DCDC2: variants seen among roughly 807,000 people sequenced by gnomAD.
The protein encoded by DCDC2 is doublecortin domain containing 2.
Under a neutral mutation model 50.2 loss-of-function variants are expected in DCDC2, and 40 were observed. The ratio of observed to expected loss-of-function variants is 0.80; its 90% CI spans 0.62 to 1.04. The LOEUF (loss-of-function observed/expected upper bound fraction) is 1.04, where lower values mean the gene tolerates loss of function less well. Ranked by LOEUF, DCDC2 falls within the 50% of genes least tolerant of loss-of-function variation. The pLI, the probability that DCDC2 is intolerant of heterozygous loss-of-function variation, is 0.00. For synonymous variants in DCDC2, 234 were observed against 210.6 expected (o/e 1.11, Z -0.96); for missense variants, 570 against 581.9 (o/e 0.98, Z 0.21).
the DCDC2 span, among the ~76,000 whole-genome samples, chr6:24,380,860 C>G: frequency 1.3e-5 from 2 of 152,188 alleles, no homozygotes; most frequent in East Asian, 3.9e-4. Flanking sequence ...GTGGGAGGCC[C>G]AGGGCTTGAG....
upstream of DCDC2, among the ~76,000 whole-genome samples, chr6:24,361,688 G>A (rs1050455988): frequency 6.6e-6 from 1 of 152,180 alleles, no homozygotes; most frequent in African/African-American, 2.4e-5. Flanking sequence ...TTAGCCCAGT[G>A]TAAAATGAAA....
At chr6:24,276,966 A>G (rs1381513643) in intron 7 of DCDC2, among the ~76,000 whole-genome samples, 1 of 151,924 alleles carries the variant, frequency 6.6e-6, no homozygotes, top group East Asian at 1.9e-4. Context: ...GTCTTTGATG[A>G]TTTAGACCCC....
At chr6:24,249,822 T>C (rs960121990) in intron 7 of DCDC2, among the ~76,000 whole-genome samples, 3 of 151,850 alleles carry the variant, frequency 2.0e-5, no homozygotes, top group Non-Finnish European at 2.9e-5. Flanking sequence ...CCATTCCTCT[T>C]TATAATAGCC....
At chr6:24,216,328 G>GAA (rs539779823) in intron 7 of DCDC2, among the ~76,000 whole-genome samples, 1 of 147,904 alleles carries the variant, frequency 6.8e-6, no homozygotes, top group African/African-American at 2.5e-5. Flanking sequence ...AAGGTAACAG[G>GAA]AAAAAAAAAA....
chr6:24,359,343 T>A (rs1324397028), upstream of DCDC2, among the ~76,000 whole-genome samples: 385 of 63,116 alleles, frequency 6.1e-3, 34 homozygotes, highest in African/African-American at 0.028. Flanking sequence ...TATTATATAT[T>A]ATATATATTT....
the DCDC2 span, among the ~76,000 whole-genome samples, chr6:24,371,142 C>T: frequency 2.5e-4 from 38 of 151,306 alleles, no homozygotes; most frequent in African/African-American, 4.1e-4. Context: ...CTGGGTGTGG[C>T]GGTGTGTGCC....
At chr6:24,348,635 C>G (rs1265028782) in intron 2 of DCDC2, among the ~76,000 whole-genome samples, 1 of 152,192 alleles carries the variant, frequency 6.6e-6, no homozygotes, top group East Asian at 1.9e-4. Flanking sequence ...CCCTCTTAAT[C>G]AAGTTGTAGA....
intron 6 of DCDC2, among the ~76,000 whole-genome samples, chr6:24,284,897 T>G (rs1057125761): frequency 6.6e-6 from 1 of 152,152 alleles, no homozygotes; most frequent in Non-Finnish European, 1.5e-5. Context: ...AAGGTCTCAG[T>G]TTCAGACAAT....
At chr6:24,342,008 T>C (rs12192494) in intron 2 of DCDC2, among the ~76,000 whole-genome samples, 49,021 of 151,974 alleles carry the variant, frequency 0.32, 9,420 homozygotes, top group African/African-American at 0.54. Flanking sequence ...GAAATAAAAT[T>C]TAAAGTGTTT....
At chr6:24,204,479 G>A (rs2113761135) in intron 8 of DCDC2, among the ~76,000 whole-genome samples, 1 of 152,156 alleles carries the variant, frequency 6.6e-6, no homozygotes, top group South Asian at 2.1e-4. Flanking sequence ...ATACACTGGG[G>A]CCTGTCAGGG....
intron 7 of DCDC2, among the ~76,000 whole-genome samples, chr6:24,220,891 T>TGAGC (rs1246996420): frequency 2.4e-4 from 24 of 99,044 alleles, no homozygotes; most frequent in East Asian, 6.7e-4. Flanking sequence ...AGCGAGAGAG[T>TGAGC]GAGCGAGCGA....
At chr6:24,214,972 C>G (rs1346760865) in intron 7 of DCDC2, among the ~76,000 whole-genome samples, 1 of 152,122 alleles carries the variant, frequency 6.6e-6, no homozygotes, top group Non-Finnish European at 1.5e-5. Context: ...TGCTAGACAC[C>G]AGCCACAGAA....
intron 6 of DCDC2, among the ~76,000 whole-genome samples, chr6:24,286,988 C>T (rs1033711527): frequency 8.5e-5 from 13 of 152,294 alleles, no homozygotes; most frequent in African/African-American, 2.9e-4. Context: ...TTACAACCAT[C>T]GACTTATCTA....
chr6:24,253,939 T>C (rs1762843173), intron 7 of DCDC2, among the ~76,000 whole-genome samples: 1 of 152,236 alleles, frequency 6.6e-6, no homozygotes, highest in Admixed American at 6.5e-5. Context: ...AACTTTTTAA[T>C]TTTTTAACTT....
At chr6:24,246,955 TA>T (rs1198795838) in intron 7 of DCDC2, among the ~76,000 whole-genome samples, 9 of 152,230 alleles carry the variant, frequency 5.9e-5, no homozygotes, top group Non-Finnish European at 1.2e-4. Context: ...ATTTTCTCAC[TA>T]CTTTTCATTG....
the DCDC2 span, among the ~76,000 whole-genome samples, chr6:24,380,977 G>A: frequency 6.6e-6 from 1 of 151,962 alleles, no homozygotes; most frequent in African/African-American, 2.4e-5. Flanking sequence ...CAAGCTACTT[G>A]GGAGGCTGAG....
chr6:24,359,284 A>ATATATAATATATATTT (rs1760595372), upstream of DCDC2, among the ~76,000 whole-genome samples: 14 of 54,786 alleles, frequency 2.6e-4, no homozygotes, highest in African/African-American at 6.8e-4. Flanking sequence ...TATATATATT[A>ATATATAATATATATTT]TATATTTTAT....
At chr6:24,215,707 G>A (rs1761957978) in intron 7 of DCDC2, among the ~76,000 whole-genome samples, 2 of 152,164 alleles carry the variant, frequency 1.3e-5, no homozygotes, top group Admixed American at 1.3e-4. Flanking sequence ...GGGAAACAAA[G>A]CATGCCATGA....
chr6:24,335,378 T>C (rs1391789215), intron 2 of DCDC2, among the ~76,000 whole-genome samples: 1 of 152,172 alleles, frequency 6.6e-6, no homozygotes, highest in Non-Finnish European at 1.5e-5. Context: ...CGGCATTAAT[T>C]TTGGCAGAAA....
Sources: gnomAD v4.1 joint callset for allele counts (sites outside exome capture counted in the v4.1 genomes callset) on GRCh38, gnomAD v4.1.1 for gene constraint, MANE v1.5 for transcripts, NCBI Gene and HGNC (gene_info 2026-07-23, HGNC 2026-07-21) for gene names.